The following UBTD2 variants were observed in gnomAD, a reference collection of about 807,000 sequenced individuals.
UBTD2 encodes the protein ubiquitin domain containing 2, also known as ubiquitin domain-containing protein 2.
A neutral mutation model predicts 19.8 loss-of-function variants in UBTD2; 9 were observed. The ratio of observed to expected loss-of-function variants is 0.46; its 90% confidence interval spans 0.27 to 0.79. UBTD2 has a LOEUF of 0.79. UBTD2 is among the 30% of genes least tolerant of loss of function. The pLI, the probability that UBTD2 is intolerant of heterozygous loss-of-function variation, is 0.14. For missense variants in UBTD2, 250 were observed against 300.4 expected (o/e 0.83, Z 1.24); for synonymous variants, 98 against 103.9 (o/e 0.94, Z 0.35).
intron 1 of UBTD2, among the ~76,000 whole-genome samples, chr5:172,275,836 T>C (rs1354073710): frequency 1.3e-5 from 2 of 152,176 alleles, no homozygotes; most frequent in African/African-American, 4.8e-5. Context: ...CCCAGATATC[T>C]TTCTTATTCC....
chr5:172,235,886 GAC>G (rs1178244697), intron 1 of UBTD2, among the ~76,000 whole-genome samples: 2 of 152,182 alleles, frequency 1.3e-5, no homozygotes, highest in Non-Finnish European at 2.9e-5. Context: ...GGAAATAAAT[GAC>G]ACAGCGAGTG....
chr5:172,278,043 A>G (rs1755642864), intron 1 of UBTD2, among the ~76,000 whole-genome samples: 1 of 152,154 alleles, frequency 6.6e-6, no homozygotes, highest in Non-Finnish European at 1.5e-5. Flanking sequence ...AGTGATGGTG[A>G]AAAGAGAGAA....
chr5:172,234,778 T>C (rs1047410797), intron 1 of UBTD2, among the ~76,000 whole-genome samples: 4 of 152,152 alleles, frequency 2.6e-5, no homozygotes, highest in African/African-American at 7.2e-5. Context: ...CATGTTGGCA[T>C]GTGCCTGTGG....
At chr5:172,215,069 C>G (rs997174597) in intron 2 of UBTD2, among the ~76,000 whole-genome samples, 9 of 152,188 alleles carry the variant, frequency 5.9e-5, no homozygotes, top group Admixed American at 4.6e-4. Flanking sequence ...GGAACCAGTG[C>G]AGGGTAGGGA....
chr5:172,254,388 C>A, intron 1 of UBTD2: 4 of 320,768 alleles, frequency 1.2e-5, no homozygotes, highest in Non-Finnish European at 1.8e-5. Context: ...TGAGCCACTG[C>A]GCCCGGCCTC....
intron 1 of UBTD2, among the ~76,000 whole-genome samples, chr5:172,235,511 A>G (rs1771990586): frequency 6.6e-6 from 1 of 152,164 alleles, no homozygotes; most frequent in Non-Finnish European, 1.5e-5. Flanking sequence ...ATAATCTTTG[A>G]TGCTAGGCCA....
At chr5:172,241,581 A>G (rs945548475) in intron 1 of UBTD2, among the ~76,000 whole-genome samples, 1 of 152,180 alleles carries the variant, frequency 6.6e-6, no homozygotes, top group Non-Finnish European at 1.5e-5. Context: ...AGATATAATT[A>G]GATTATATAT....
At chr5:172,228,509 T>C (rs897208231) in intron 2 of UBTD2, among the ~76,000 whole-genome samples, 9 of 152,006 alleles carry the variant, frequency 5.9e-5, no homozygotes, top group African/African-American at 9.7e-5. Context: ...TTACTTGAGG[T>C]CAGGAGATTG....
chr5:172,250,039 G>A (rs573055467), intron 1 of UBTD2, among the ~76,000 whole-genome samples: 2 of 152,072 alleles, frequency 1.3e-5, no homozygotes, highest in South Asian at 2.1e-4. Context: ...CCTGGCAAAC[G>A]TGGTGAAACC....
intron 1 of UBTD2, among the ~76,000 whole-genome samples, chr5:172,238,958 G>A (rs6873070): frequency 0.3 from 45,775 of 151,982 alleles, 7,017 homozygotes; most frequent in South Asian, 0.42. Flanking sequence ...GAACCCTTCC[G>A]TAACAGACGG....
In UBTD2 at chr5:172,229,293, G is replaced by A. The variant is rs1358817147; in HGVS notation, c.307+4829C>T. Among the ~76,000 whole-genome samples, 4 of 152,032 alleles carry A rather than the reference G, an allele frequency of 2.6e-5. No homozygotes were observed. In the East Asian group the frequency reaches 7.7e-4, roughly 29 times the overall value. On this transcript the variant is annotated intron_variant, in intron 2 of 2. Coordinates refer to ENST00000393792, the MANE Select transcript of UBTD2 (RefSeq NM_152277.3). ...AGGCGGGTGGATCACAAGGTCAGGA[G>A]ATCGAGACCATCCTGGCTAACACGG... is the stretch of plus-strand genomic sequence containing the variant.
chr5:172,235,559 T>G (rs151330701), intron 1 of UBTD2, among the ~76,000 whole-genome samples: 67 of 152,274 alleles, frequency 4.4e-4, no homozygotes, highest in African/African-American at 1.5e-3. Flanking sequence ...AGAAGAACTA[T>G]GATACCCTAC....
At chr5:172,246,168 C>T (rs1390491436) in intron 1 of UBTD2, among the ~76,000 whole-genome samples, 1 of 152,016 alleles carries the variant, frequency 6.6e-6, no homozygotes. Context: ...AACAAATGAA[C>T]GTTTTTAGCA....
intron 1 of UBTD2, among the ~76,000 whole-genome samples, chr5:172,250,416 C>G (rs1754977617): frequency 6.6e-6 from 1 of 152,130 alleles, no homozygotes; most frequent in African/African-American, 2.4e-5. Flanking sequence ...ATATGCTGCA[C>G]TGAGGACACA....
chr5:172,274,297 T>C lies in UBTD2; in HGVS notation c.70+9299A>G, dbSNP rs568098806. Among the ~76,000 whole-genome samples, 3 of 151,970 alleles carry C rather than the reference T, an allele frequency of 2.0e-5. No individual in the cohort carries two copies. The East Asian group carries it at 5.8e-4, about 30-fold the overall frequency. On this transcript the variant is annotated intron_variant, in intron 1 of 2. Transcript: ENST00000393792. ...CTAGGACTACAGGCACGTGCCACCA[T>C]GCCCAGCTAATTTTTGTATTTTTAG...
intron 2 of UBTD2, among the ~76,000 whole-genome samples, chr5:172,233,011 A>C (rs1267221280): frequency 6.6e-6 from 1 of 152,112 alleles, no homozygotes; most frequent in African/African-American, 2.4e-5. Flanking sequence ...CATGGTGGGG[A>C]AGCTGAGGCA....
At chr5:172,269,290 G>A (rs964939772) in intron 1 of UBTD2, among the ~76,000 whole-genome samples, 1 of 151,754 alleles carries the variant, frequency 6.6e-6, no homozygotes, top group African/African-American at 2.4e-5. Context: ...AGGAGTTGGA[G>A]ACCAGTCTGG....
rs1227572808 is a variant in UBTD2, at chr5:172,253,886, T to C, written c.71-19528A>G. ...CTTGTTCTTATTACATCAAATGTTATCTATAAGAATGGTTTGCTTAGCAAC... is the reference window on the plus strand; with the variant it reads ...CTTGTTCTTATTACATCAAATGTTACCTATAAGAATGGTTTGCTTAGCAAC... On this transcript the variant is annotated intron_variant, in intron 1 of 2. Transcript: ENST00000393792. Among the ~76,000 whole-genome samples, 3 of 152,212 alleles carry C rather than the reference T, an allele frequency of 2.0e-5. No individual in the cohort carries two copies. In the East Asian group the frequency reaches 5.8e-4, roughly 29 times the overall value.
At chr5:172,279,518 A>T (rs956736953) in intron 1 of UBTD2, among the ~76,000 whole-genome samples, 10 of 152,210 alleles carry the variant, frequency 6.6e-5, no homozygotes, top group Non-Finnish European at 1.3e-4. Flanking sequence ...GCATTCAGTT[A>T]TTCTCTGTAA....
Sources: gnomAD v4.1 joint callset for allele counts (sites outside exome capture counted in the v4.1 genomes callset) on GRCh38, gnomAD v4.1.1 for gene constraint, MANE v1.5 for transcripts, NCBI Gene and HGNC (gene_info 2026-07-23, HGNC 2026-07-21) for gene names.